Variants in SCFD2 observed in about 807,000 individuals in gnomAD.
SCFD2 encodes sec1 family domain-containing protein 2.
In SCFD2, 54 loss-of-function variants were observed where a neutral mutation model predicts 58.9. That is an observed-to-expected ratio of 0.92 (90% confidence interval 0.74 to 1.15). SCFD2 has a LOEUF of 1.15. Among genes scored for constraint, SCFD2 ranks in the 50% most tolerant of loss-of-function variants. SCFD2 has a pLI of 0.00. For synonymous variants in SCFD2, 321 were observed against 335.9 expected (o/e 0.96, Z 0.49); for missense variants, 805 against 836.6 (o/e 0.96, Z 0.47).
At chr4:53,009,755 C>A (rs1428711734) in intron 5 of SCFD2, among the ~76,000 whole-genome samples, 1 of 152,190 alleles carries the variant, frequency 6.6e-6, no homozygotes, top group South Asian at 2.1e-4. Flanking sequence ...CCCACTATCA[C>A]CCCCTGCTTC....
chr4:53,179,757 T>C (rs1007692503), intron 4 of SCFD2, among the ~76,000 whole-genome samples: 1 of 151,970 alleles, frequency 6.6e-6, no homozygotes, highest in African/African-American at 2.4e-5. Context: ...AGGAACCCCA[T>C]CTCACGTGCA....
Position 53,365,077 on chromosome 4 carries a change from T to G in SCFD2, c.838+27A>C. 6.3e-7 allele frequency: 1 copy of G among 1,595,448 alleles called. No homozygotes were observed. Among genetic ancestry groups the G allele is most frequent in the Non-Finnish European group, 8.5e-7 (1 of 1,171,838 alleles). On this transcript the variant is annotated intron_variant, in intron 1 of 8. Transcript: ENST00000401642. The surrounding 1 kb of genome is among the most constrained non-coding windows in gnomAD (Gnocchi z 4.3). ...GTCCCAGCAATGTGGGGAATGGTAA[T>G]GAAGAACTCCAGAGCAATGCACTTA... is the stretch of plus-strand genomic sequence containing the variant.
At chr4:53,304,529 TTCTC>T (rs1224646752) in intron 3 of SCFD2, among the ~76,000 whole-genome samples, 1 of 151,926 alleles carries the variant, frequency 6.6e-6, no homozygotes, top group Non-Finnish European at 1.5e-5. Flanking sequence ...TTTCTTTTCA[TTCTC>T]TTTTCTCTAA....
chr4:52,945,163 ACATCAAAACT>A (rs1284392594), intron 5 of SCFD2, among the ~76,000 whole-genome samples: 1 of 152,214 alleles, frequency 6.6e-6, no homozygotes, highest in African/African-American at 2.4e-5. Flanking sequence ...GTAGAAGACT[ACATCAAAACT>A]GATGAAAGGG....
chr4:52,931,215 C>A (rs902028136), intron 5 of SCFD2, among the ~76,000 whole-genome samples: 3 of 152,156 alleles, frequency 2.0e-5, no homozygotes, highest in Non-Finnish European at 4.4e-5. Flanking sequence ...TATAATAAGT[C>A]CCCTTTCAAA....
intron 2 of SCFD2, among the ~76,000 whole-genome samples, chr4:53,332,620 G>T (rs187240667): frequency 6.6e-6 from 1 of 152,130 alleles, no homozygotes; most frequent in Non-Finnish European, 1.5e-5. Flanking sequence ...AGCTATCTAT[G>T]ACAAACCCAC....
chr4:53,000,584 C>T (rs1338565641), intron 5 of SCFD2, among the ~76,000 whole-genome samples: 3 of 152,182 alleles, frequency 2.0e-5, no homozygotes, highest in African/African-American at 7.2e-5. Context: ...TAAGCTGAGT[C>T]CTGAGTTCCA....
intron 5 of SCFD2, among the ~76,000 whole-genome samples, chr4:53,037,907 T>C (rs868421721): frequency 6.6e-6 from 1 of 152,198 alleles, no homozygotes; most frequent in African/African-American, 2.4e-5. Context: ...AATCCAAAAA[T>C]GAACATAATG....
chr4:53,100,497 A>G (rs1724802064), intron 5 of SCFD2, among the ~76,000 whole-genome samples: 1 of 152,230 alleles, frequency 6.6e-6, no homozygotes, highest in Non-Finnish European at 1.5e-5. Context: ...CATAAGAACC[A>G]CTTCCTATCC....
intron 4 of SCFD2, among the ~76,000 whole-genome samples, chr4:53,257,393 A>G (rs1287008572): frequency 6.6e-6 from 1 of 152,214 alleles, no homozygotes; most frequent in Non-Finnish European, 1.5e-5. Flanking sequence ...TGGAAGGCTG[A>G]GCCCCGCAGT....
chr4:53,142,367 C>T (rs1726194976), intron 5 of SCFD2, among the ~76,000 whole-genome samples: 1 of 152,122 alleles, frequency 6.6e-6, no homozygotes, highest in South Asian at 2.1e-4. Context: ...TTAATCGATT[C>T]CCTATTTTCA....
At chr4:53,062,465 TG>T in intron 5 of SCFD2, among the ~76,000 whole-genome samples, 1 of 152,296 alleles carries the variant, frequency 6.6e-6, no homozygotes, top group African/African-American at 2.4e-5. Flanking sequence ...CATACTTCCT[TG>T]TAGACAACAG....
intron 5 of SCFD2, among the ~76,000 whole-genome samples, chr4:53,064,346 T>C (rs1428044364): frequency 6.6e-6 from 1 of 152,086 alleles, no homozygotes; most frequent in Non-Finnish European, 1.5e-5. Context: ...CCATTTTGAT[T>C]AAATACTTGA....
chr4:53,166,388 TC>T (rs902474102), intron 4 of SCFD2, among the ~76,000 whole-genome samples: 3 of 152,122 alleles, frequency 2.0e-5, no homozygotes, highest in African/African-American at 7.2e-5. Flanking sequence ...GGAAAAAAAA[TC>T]TGTGAAACAA....
intron 4 of SCFD2, among the ~76,000 whole-genome samples, chr4:53,255,181 A>ATTTTTT (rs1730562393): frequency 8.0e-6 from 1 of 125,050 alleles, no homozygotes; most frequent in Non-Finnish European, 1.8e-5. Context: ...AATACTTCCT[A>ATTTTTT]TTCTTTTTTT....
At chr4:53,229,698 G>A (rs1369982477) in intron 4 of SCFD2, among the ~76,000 whole-genome samples, 1 of 152,144 alleles carries the variant, frequency 6.6e-6, no homozygotes, top group East Asian at 1.9e-4. Flanking sequence ...TACCATTCAG[G>A]ACATAGGCAT....
At chr4:53,292,605 T>A (rs561977751) in intron 3 of SCFD2, among the ~76,000 whole-genome samples, 1 of 152,148 alleles carries the variant, frequency 6.6e-6, no homozygotes, top group South Asian at 2.1e-4. Flanking sequence ...TCTTGGTAGG[T>A]GTGTAGATTA....
intron 5 of SCFD2, among the ~76,000 whole-genome samples, chr4:52,940,192 G>A (rs1426414301): frequency 6.6e-6 from 1 of 152,206 alleles, no homozygotes; most frequent in Non-Finnish European, 1.5e-5. Context: ...AACAGCCGTT[G>A]GGGTGGAAAG....
At chr4:53,185,415 C>T (rs558547793) in intron 4 of SCFD2, among the ~76,000 whole-genome samples, 3 of 152,028 alleles carry the variant, frequency 2.0e-5, no homozygotes, top group Admixed American at 6.6e-5. Flanking sequence ...ATAATTATAA[C>T]GCATTTATTT....
Sources: gnomAD v4.1 joint callset for allele counts (sites outside exome capture counted in the v4.1 genomes callset) on GRCh38, gnomAD v4.1.1 for gene constraint, Gnocchi (gnomAD v3.1) non-coding constraint, MANE v1.5 for transcripts, NCBI Gene and HGNC (gene_info 2026-07-23, HGNC 2026-07-21) for gene names.